Variants in RUNX1T1 observed in about 807,000 individuals in gnomAD.
The protein encoded by RUNX1T1 is protein CBFA2T1.
Under a neutral mutation model 62.8 loss-of-function variants are expected in RUNX1T1, and 4 were observed. The ratio of observed to expected loss-of-function variants is 0.06; its 90% CI spans 0.03 to 0.15. The LOEUF (loss-of-function observed/expected upper bound fraction) is 0.15, where lower values mean the gene tolerates loss of function less well. Ranked by LOEUF, RUNX1T1 falls within the 10% of genes least tolerant of loss-of-function variation. RUNX1T1 has a pLI of 1.00. For missense variants in RUNX1T1, 508 were observed against 754.3 expected, an observed-to-expected ratio of 0.67 and a Z score of 3.82; for synonymous variants, 291 against 286.0, an observed-to-expected ratio of 1.02 and a Z score of -0.18.
At chr8:92,025,906 C>T (rs1022203665) in intron 1 of RUNX1T1, among the ~76,000 whole-genome samples, 1 of 152,178 alleles carries the variant, frequency 6.6e-6, no homozygotes, top group African/African-American at 2.4e-5. Flanking sequence ...TCAGTAACCA[C>T]ATATTTCCTG....
At chr8:92,065,410 T>C (rs1458830632), upstream of RUNX1T1, among the ~76,000 whole-genome samples, 3 of 152,164 alleles carry the variant, frequency 2.0e-5, no homozygotes, top group Admixed American at 6.5e-5. Context: ...ACCAATTAAG[T>C]ACTTCCTCAG....
At chr8:92,038,175 G>A (rs143693399) in intron 1 of RUNX1T1, among the ~76,000 whole-genome samples, 82 of 152,090 alleles carry the variant, frequency 5.4e-4, no homozygotes, top group African/African-American at 1.6e-3. Context: ...TCAGCCTCCC[G>A]GGTAGATGGG....
chr8:91,996,206 T>G (rs1818634826), intron 5 of RUNX1T1, among the ~76,000 whole-genome samples: 1 of 152,108 alleles, frequency 6.6e-6, no homozygotes, highest in South Asian at 2.1e-4. Flanking sequence ...TTTATTTTTA[T>G]TTTTACTTTT....
At chr8:92,013,716 T>C (rs1487591874) in intron 3 of RUNX1T1, among the ~76,000 whole-genome samples, 3 of 152,160 alleles carry the variant, frequency 2.0e-5, no homozygotes, top group African/African-American at 7.2e-5. Context: ...AAAAGATATA[T>C]GTTCTATTTT....
At chr8:92,058,014 G>A (rs1333910153) in intron 1 of RUNX1T1, among the ~76,000 whole-genome samples, 1 of 152,156 alleles carries the variant, frequency 6.6e-6, no homozygotes, top group Non-Finnish European at 1.5e-5. Flanking sequence ...AGCCAGGCAA[G>A]GCATTCCAAT....
intron 1 of RUNX1T1, chr8:92,095,091 C>A (rs1378802522): frequency 1.3e-6 from 2 of 1,535,584 alleles, no homozygotes; most frequent in Non-Finnish European, 1.7e-6. Flanking sequence ...GGGGTAGATG[C>A]CTCCTCCTCA....
intron 1 of RUNX1T1, chr8:92,095,591 G>T (rs1837673303): frequency 7.0e-7 from 1 of 1,418,622 alleles, no homozygotes; most frequent in Non-Finnish European, 9.2e-7. Context: ...CGTGTGAGAC[G>T]GAGCGGGAGA....
chr8:91,970,413 A>G (rs1446337283), intron 10 of RUNX1T1, among the ~76,000 whole-genome samples: 1 of 152,226 alleles, frequency 6.6e-6, no homozygotes, highest in African/African-American at 2.4e-5. Context: ...CTGCGAAGTT[A>G]TAAGAATTTC....
upstream of RUNX1T1, chr8:92,102,794 A>G (rs1328922537): frequency 2.1e-6 from 3 of 1,454,080 alleles, no homozygotes; most frequent in East Asian, 2.8e-5. The surrounding 1 kb of genome is among the most constrained non-coding windows in gnomAD (Gnocchi z 4.5). Flanking sequence ...ACAGTAATTA[A>G]TAACAGTCAG....
intron 1 of RUNX1T1, among the ~76,000 whole-genome samples, chr8:92,090,946 C>T (rs1836895603): frequency 6.6e-6 from 1 of 152,152 alleles, no homozygotes; most frequent in Admixed American, 6.5e-5. Flanking sequence ...GAAGGACAGG[C>T]TCATAGTAGG....
upstream of RUNX1T1, chr8:92,063,424 C>T (rs1474165085): frequency 3.3e-5 from 5 of 152,132 alleles, no homozygotes; most frequent in Non-Finnish European, 5.9e-5. Flanking sequence ...CATTGTAAAG[C>T]CTTTTCAAAA....
At chr8:92,030,639 A>G (rs1402025224) in intron 1 of RUNX1T1, among the ~76,000 whole-genome samples, 1 of 152,174 alleles carries the variant, frequency 6.6e-6, no homozygotes, top group Non-Finnish European at 1.5e-5. Flanking sequence ...CGGTGAAAAG[A>G]CCAACTCTTT....
intron 10 of RUNX1T1, among the ~76,000 whole-genome samples, chr8:91,964,759 C>T (rs761001829): frequency 6.6e-6 from 1 of 152,128 alleles, no homozygotes; most frequent in African/African-American, 2.4e-5. Flanking sequence ...AACAGGTTAG[C>T]AGGCACTTAA....
intron 1 of RUNX1T1, among the ~76,000 whole-genome samples, chr8:92,031,093 T>C (rs1296457381): frequency 2.6e-5 from 4 of 152,168 alleles, no homozygotes; most frequent in African/African-American, 9.7e-5. Context: ...CAAGCCAAAA[T>C]ACCACAATCA....
chr8:92,083,761 A>C (rs2130839551), intron 1 of RUNX1T1, among the ~76,000 whole-genome samples: 1 of 152,350 alleles, frequency 6.6e-6, no homozygotes, highest in East Asian at 1.9e-4. Flanking sequence ...ATATACCCAA[A>C]GGATTGTAAG....
At chr8:92,093,561 C>T (rs969552472) in intron 1 of RUNX1T1, among the ~76,000 whole-genome samples, 1 of 152,110 alleles carries the variant, frequency 6.6e-6, no homozygotes, top group Non-Finnish European at 1.5e-5. Flanking sequence ...TATCGCTTCT[C>T]GGCCTTTTGG....
At chr8:92,012,143 CATAT>C (rs1320000981) in intron 3 of RUNX1T1, among the ~76,000 whole-genome samples, 12 of 152,202 alleles carry the variant, frequency 7.9e-5, no homozygotes, top group African/African-American at 2.9e-4. Context: ...AAAACATCTT[CATAT>C]GAAACTATGA....
intron 1 of RUNX1T1, among the ~76,000 whole-genome samples, chr8:92,056,759 A>T (rs1831108733): frequency 6.6e-6 from 1 of 152,132 alleles, no homozygotes; most frequent in Admixed American, 6.5e-5. Flanking sequence ...ACCACCAAAA[A>T]ACGTGCTTTT....
At chr8:92,033,049 T>G (rs1403127766) in intron 1 of RUNX1T1, among the ~76,000 whole-genome samples, 1 of 152,214 alleles carries the variant, frequency 6.6e-6, no homozygotes, top group East Asian at 1.9e-4. Flanking sequence ...ATAATTTTCC[T>G]GTAGGACAAT....
Sources: gnomAD v4.1 joint callset for allele counts (sites outside exome capture counted in the v4.1 genomes callset) on GRCh38, gnomAD v4.1.1 for gene constraint, Gnocchi (gnomAD v3.1) non-coding constraint, MANE v1.5 for transcripts, NCBI Gene and HGNC (gene_info 2026-07-23, HGNC 2026-07-21) for gene names.